The following ROBO1 variants were observed in gnomAD, a reference collection of about 807,000 sequenced individuals.
ROBO1 encodes roundabout homolog 1.
A neutral mutation model predicts 195.9 loss-of-function variants in ROBO1; 149 were observed. That is an observed-to-expected ratio of 0.76 (90% confidence interval 0.67 to 0.87). The LOEUF is 0.87. ROBO1 is among the 40% of genes least tolerant of loss of function. The probability of loss-of-function intolerance (pLI) is 0.00; values close to 1 mark genes in which losing one functional copy is unlikely to be tolerated. For missense variants in ROBO1, 1,933 were observed against 2,068.3 expected (o/e 0.93, Z 1.27); for synonymous variants, 816 against 733.2 (o/e 1.11, Z -1.82).
intron 2 of ROBO1, among the ~76,000 whole-genome samples, chr3:79,286,923 C>T (rs865979241): frequency 3.3e-5 from 5 of 152,086 alleles, no homozygotes; most frequent in South Asian, 4.1e-4. Context: ...TACTCTGATA[C>T]GTAACATTCA....
At chr3:79,171,719 T>C (rs2081169783) in intron 2 of ROBO1, among the ~76,000 whole-genome samples, 1 of 152,092 alleles carries the variant, frequency 6.6e-6, no homozygotes, top group Non-Finnish European at 1.5e-5. Flanking sequence ...AAAAATCAAC[T>C]AACTTTCATG....
At chr3:79,765,394 G>T (rs1704929637) in intron 1 of ROBO1, among the ~76,000 whole-genome samples, 1 of 152,192 alleles carries the variant, frequency 6.6e-6, no homozygotes, top group Non-Finnish European at 1.5e-5. Context: ...TTTTTTGGGG[G>T]GTGGGGGCCG....
intron 2 of ROBO1, among the ~76,000 whole-genome samples, chr3:79,584,682 C>T (rs1943772082): frequency 6.7e-6 from 1 of 149,796 alleles, no homozygotes; most frequent in Admixed American, 6.7e-5. Context: ...CACATACACA[C>T]ACTCACATAC....
At chr3:79,404,343 C>T (rs971003347) in intron 2 of ROBO1, among the ~76,000 whole-genome samples, 28 of 152,068 alleles carry the variant, frequency 1.8e-4, no homozygotes, top group African/African-American at 6.8e-4. Flanking sequence ...GGGTAAAAAT[C>T]AACTATGCCT....
At chr3:79,694,722 T>C (rs1560107414) in intron 1 of ROBO1, among the ~76,000 whole-genome samples, 1 of 151,798 alleles carries the variant, frequency 6.6e-6, no homozygotes, top group East Asian at 1.9e-4. Context: ...TATCATGTGT[T>C]GCTAGCAATG....
chr3:79,751,736 G>A (rs1704138414), intron 1 of ROBO1, among the ~76,000 whole-genome samples: 3 of 152,122 alleles, frequency 2.0e-5, no homozygotes, highest in African/African-American at 7.2e-5. Flanking sequence ...ACAAAGCAAT[G>A]AAAATCTGAT....
chr3:79,270,127 A>T (rs554723012), intron 2 of ROBO1, among the ~76,000 whole-genome samples: 2 of 151,668 alleles, frequency 1.3e-5, no homozygotes, highest in Admixed American at 1.3e-4. Context: ...AAAGAAATGC[A>T]TAAGTGTTGT....
At chr3:78,962,308 T>TA (rs1297930757) in intron 3 of ROBO1, among the ~76,000 whole-genome samples, 1 of 152,206 alleles carries the variant, frequency 6.6e-6, no homozygotes, top group African/African-American at 2.4e-5. Context: ...AATGAAGATA[T>TA]AAACGCAACA....
intron 2 of ROBO1, among the ~76,000 whole-genome samples, chr3:79,379,816 A>T (rs1189825912): frequency 6.6e-6 from 1 of 152,226 alleles, no homozygotes; most frequent in Admixed American, 6.5e-5. Context: ...ATATTTATAG[A>T]CATATAAAAT....
chr3:79,016,049 T>C (rs1439576043), intron 3 of ROBO1, among the ~76,000 whole-genome samples: 1 of 152,238 alleles, frequency 6.6e-6, no homozygotes, highest in Non-Finnish European at 1.5e-5. Flanking sequence ...TAACAAGTGA[T>C]AGACTGTGAT....
intron 3 of ROBO1, among the ~76,000 whole-genome samples, chr3:79,025,659 C>A (rs2078190672): frequency 6.6e-6 from 1 of 151,822 alleles, no homozygotes; most frequent in Non-Finnish European, 1.5e-5. Context: ...AACTGAATAT[C>A]ACTTATGGAG....
chr3:79,700,430 G>T (rs866069318), intron 1 of ROBO1, among the ~76,000 whole-genome samples: 1 of 151,300 alleles, frequency 6.6e-6, no homozygotes, highest in African/African-American at 2.4e-5. Context: ...TCCGTTTCAA[G>T]TTATTTAAGA....
intron 4 of ROBO1, among the ~76,000 whole-genome samples, chr3:78,803,564 G>A (rs937586374): frequency 2.6e-5 from 4 of 152,052 alleles, no homozygotes; most frequent in Admixed American, 6.5e-5. Flanking sequence ...CGAGTAAGTC[G>A]TCTTTTAATC....
intron 2 of ROBO1, among the ~76,000 whole-genome samples, chr3:79,408,253 T>C (rs1306124153): frequency 2.6e-5 from 4 of 151,640 alleles, no homozygotes; most frequent in South Asian, 2.1e-4. Flanking sequence ...ATTAAAAAAT[T>C]TGGGAGAAGC....
intron 4 of ROBO1, among the ~76,000 whole-genome samples, chr3:78,786,055 T>G (rs2108503581): frequency 6.6e-6 from 1 of 152,268 alleles, no homozygotes; most frequent in African/African-American, 2.4e-5. Flanking sequence ...ACTACCTTTA[T>G]TTTGAAAAAC....
At chr3:79,508,213 C>T (rs1940511392) in intron 2 of ROBO1, among the ~76,000 whole-genome samples, 1 of 151,982 alleles carries the variant, frequency 6.6e-6, no homozygotes, top group Non-Finnish European at 1.5e-5. Context: ...TGTAACAAAC[C>T]TGCACGTTGT....
rs544628797 is a variant in ROBO1 at position 79,301,336 on chromosome 3, A to G, written c.89-175797T>C. Reference sequence around the variant, plus strand: ...AGTCAGTGAGACCAAGAACCCACCAATTCCGCACACAGTACTGTGAAATGT... The same window carrying G: ...AGTCAGTGAGACCAAGAACCCACCAGTTCCGCACACAGTACTGTGAAATGT... On this transcript the variant is annotated intron_variant, in intron 2 of 30. Transcript: ENST00000464233. 1.8e-4 allele frequency among the ~76,000 whole-genome samples: 27 copies of G among 152,296 alleles called. 1 individual carries two copies. The East Asian group carries it at 5.2e-3, about 29-fold the overall frequency.
chr3:79,508,894 T>C (rs1940551628), intron 2 of ROBO1, among the ~76,000 whole-genome samples: 2 of 152,342 alleles, frequency 1.3e-5, no homozygotes, highest in South Asian at 4.1e-4. Context: ...AGTTTACTTT[T>C]CTTAGAATCA....
chr3:79,365,669 G>A (rs1488835982), intron 2 of ROBO1, among the ~76,000 whole-genome samples: 2 of 151,966 alleles, frequency 1.3e-5, no homozygotes, highest in African/African-American at 2.4e-5. Flanking sequence ...AGGCCGAGGC[G>A]GGCGGATCAC....
Sources: gnomAD v4.1 joint callset for allele counts (sites outside exome capture counted in the v4.1 genomes callset) on GRCh38, gnomAD v4.1.1 for gene constraint, MANE v1.5 for transcripts, NCBI Gene and HGNC (gene_info 2026-07-23, HGNC 2026-07-21) for gene names.